KHDRBS2: variants seen among roughly 807,000 people sequenced by gnomAD.
KHDRBS2 encodes KH domain-containing, RNA-binding, signal transduction-associated protein 2.
Under a neutral mutation model 44.3 loss-of-function variants are expected in KHDRBS2, and 26 were observed. That is an observed-to-expected ratio of 0.59 (90% CI 0.43 to 0.81). KHDRBS2 has a LOEUF of 0.81. KHDRBS2 is among the 40% of genes least tolerant of loss of function. The pLI, the probability that KHDRBS2 is intolerant of heterozygous loss-of-function variation, is 0.00. For synonymous variants in KHDRBS2, 194 were observed against 151.1 expected (o/e 1.28, Z -2.08); for missense variants, 476 against 433.1 (o/e 1.10, Z -0.88).
chr6:61,956,628 A>G (rs530741351), intron 4 of KHDRBS2, among the ~76,000 whole-genome samples: 1 of 152,176 alleles, frequency 6.6e-6, no homozygotes, highest in East Asian at 1.9e-4. Flanking sequence ...ACAAGGGGTT[A>G]ATCAGTCTAG....
the KHDRBS2 span, among the ~76,000 whole-genome samples, chr6:61,548,305 C>A: frequency 1.3e-5 from 2 of 152,146 alleles, no homozygotes; most frequent in East Asian, 3.9e-4. Flanking sequence ...TATATAGCAA[C>A]AATTTTCCAA....
intron 6 of KHDRBS2, among the ~76,000 whole-genome samples, chr6:61,838,229 T>C (rs1237394589): frequency 6.6e-6 from 1 of 152,050 alleles, no homozygotes; most frequent in Admixed American, 6.6e-5. Flanking sequence ...GTCCATTTTA[T>C]TTAAAAAGCT....
chr6:62,064,816 A>G (rs1162880883), intron 2 of KHDRBS2, among the ~76,000 whole-genome samples: 3 of 151,708 alleles, frequency 2.0e-5, no homozygotes, highest in East Asian at 1.9e-4. Context: ...CTGCACAGCA[A>G]AAGAAACTAC....
intron 2 of KHDRBS2, among the ~76,000 whole-genome samples, chr6:62,103,458 G>T (rs1221140999): frequency 6.6e-6 from 1 of 152,192 alleles, no homozygotes; most frequent in Non-Finnish European, 1.5e-5. Context: ...TCACAATGTT[G>T]TTCTGCATGG....
At chr6:61,722,116 C>T (rs1374757992) in intron 7 of KHDRBS2, among the ~76,000 whole-genome samples, 8 of 151,998 alleles carry the variant, frequency 5.3e-5, no homozygotes, top group Non-Finnish European at 7.4e-5. Flanking sequence ...GCCTTGAATC[C>T]CAGGGATGAA....
At chr6:61,667,173 A>G in the KHDRBS2 span, among the ~76,000 whole-genome samples, 2 of 150,738 alleles carry the variant, frequency 1.3e-5, no homozygotes, top group African/African-American at 2.4e-5. Context: ...AATGTAAGGA[A>G]GTATATAAAA....
At chr6:61,987,278 G>T (rs1458822474) in intron 3 of KHDRBS2, among the ~76,000 whole-genome samples, 4 of 152,100 alleles carry the variant, frequency 2.6e-5, no homozygotes, top group Non-Finnish European at 5.9e-5. Context: ...AATACAATAT[G>T]CTAAATTATA....
the KHDRBS2 span, among the ~76,000 whole-genome samples, chr6:61,637,335 C>T: frequency 6.6e-6 from 1 of 152,132 alleles, no homozygotes; most frequent in African/African-American, 2.4e-5. Context: ...TTTCCAGTTT[C>T]ATCCATGTCC....
At chr6:61,987,887 C>T (rs1775354430) in intron 3 of KHDRBS2, among the ~76,000 whole-genome samples, 1 of 152,124 alleles carries the variant, frequency 6.6e-6, no homozygotes, top group African/African-American at 2.4e-5. Context: ...TCAGGCCATC[C>T]ATACTCCAAA....
chr6:61,717,951 G>A (rs915914445), intron 7 of KHDRBS2, among the ~76,000 whole-genome samples: 12 of 151,880 alleles, frequency 7.9e-5, no homozygotes, highest in African/African-American at 1.5e-4. Flanking sequence ...GTCTAACACC[G>A]TGGAGTTGGC....
chr6:62,130,244 G>A (rs1232646632), intron 2 of KHDRBS2, among the ~76,000 whole-genome samples: 3 of 152,142 alleles, frequency 2.0e-5, no homozygotes, highest in Admixed American at 6.5e-5. Flanking sequence ...AGAGATGTAA[G>A]GTAAGGTGAG....
rs189987203 is a variant in KHDRBS2, at chr6:62,177,314, T to A, written c.92-2A>T. 1 of 1,585,470 alleles carries A rather than the reference T, an allele frequency of 6.3e-7. No individual in the cohort carries two copies. Among genetic ancestry groups the A allele is most frequent in the Admixed American group, 1.7e-5 (1 of 57,368 alleles). On this transcript the variant is annotated splice_acceptor_variant, in intron 1 of 8. Coordinates refer to ENST00000281156, the MANE Select transcript of KHDRBS2 (RefSeq NM_152688.4). LOFTEE classifies it high-confidence loss of function. ...CAGAACCTTGAAACTTTTCAATTTC[T>A]GGAAGAAAATCACAAGAAGAAAACA...
chr6:62,164,392 A>G (rs1281507984), intron 2 of KHDRBS2, among the ~76,000 whole-genome samples: 1 of 151,906 alleles, frequency 6.6e-6, no homozygotes, highest in African/African-American at 2.4e-5. Flanking sequence ...TAGGAAAAAA[A>G]GCCTCTACAT....
intron 8 of KHDRBS2, among the ~76,000 whole-genome samples, chr6:61,688,213 A>C (rs1767024957): frequency 6.6e-6 from 1 of 151,922 alleles, no homozygotes; most frequent in Admixed American, 6.6e-5. Flanking sequence ...CTATGGAGTT[A>C]ATAACTCATT....
chr6:61,768,366 C>T (rs1172335335), intron 6 of KHDRBS2, among the ~76,000 whole-genome samples: 1 of 152,124 alleles, frequency 6.6e-6, no homozygotes, highest in African/African-American at 2.4e-5. Flanking sequence ...GGTGTTCTGT[C>T]ACCTTCTTGT....
At chr6:62,062,891 T>C (rs2127329650) in intron 2 of KHDRBS2, among the ~76,000 whole-genome samples, 1 of 145,044 alleles carries the variant, frequency 6.9e-6, no homozygotes, top group South Asian at 2.2e-4. Flanking sequence ...GCAAGACTAA[T>C]AAAGAAAAAA....
At chr6:61,692,302 G>A (rs1236270095) in intron 8 of KHDRBS2, among the ~76,000 whole-genome samples, 10 of 151,894 alleles carry the variant, frequency 6.6e-5, no homozygotes, top group Non-Finnish European at 1.3e-4. Flanking sequence ...AAATTCAAGT[G>A]ATGAGAAATG....
chr6:61,741,998 G>A (rs1776205711), intron 6 of KHDRBS2, among the ~76,000 whole-genome samples: 1 of 151,866 alleles, frequency 6.6e-6, no homozygotes, highest in African/African-American at 2.4e-5. Context: ...GAAATAATGT[G>A]GAATATTCTT....
At chr6:61,913,803 T>A (rs975188534) in intron 4 of KHDRBS2, among the ~76,000 whole-genome samples, 3 of 152,052 alleles carry the variant, frequency 2.0e-5, no homozygotes, top group African/African-American at 7.2e-5. Flanking sequence ...CATGTGTGGA[T>A]CTGGTTCACT....
Sources: gnomAD v4.1 joint callset for allele counts (sites outside exome capture counted in the v4.1 genomes callset) on GRCh38, gnomAD v4.1.1 for gene constraint, MANE v1.5 for transcripts, NCBI Gene and HGNC (gene_info 2026-07-23, HGNC 2026-07-21) for gene names.